The following CNTNAP2 variants were observed in gnomAD, a reference collection of about 807,000 sequenced individuals.
CNTNAP2 encodes the protein contactin associated protein 2.
A neutral mutation model predicts 155.2 loss-of-function variants in CNTNAP2; 98 were observed. The ratio of observed to expected loss-of-function variants is 0.63; its 90% CI spans 0.54 to 0.75. The LOEUF (loss-of-function observed/expected upper bound fraction) is 0.75. CNTNAP2 is among the 30% of genes least tolerant of loss of function. CNTNAP2 has a pLI of 0.00. For missense variants in CNTNAP2, 1,727 were observed against 1,688.1 expected (o/e 1.02, Z -0.40); for synonymous variants, 651 against 631.2 (o/e 1.03, Z -0.47).
At chr7:147,612,401 C>CTTTTT (rs565607932) in intron 12 of CNTNAP2, among the ~76,000 whole-genome samples, 2 of 133,042 alleles carry the variant, frequency 1.5e-5, no homozygotes, top group African/African-American at 5.5e-5. Flanking sequence ...AATTTTCTTT[C>CTTTTT]TTTTTTTTTT....
rs1563082275 is a variant in CNTNAP2 at position 148,418,926 on chromosome 7, T to C, written c.*3310T>C. The C allele has an allele frequency of 6.6e-6, 1 of 152,246 alleles. No homozygotes were observed. Among genetic ancestry groups the C allele is most frequent in the African/African-American group, 2.4e-5 (1 of 41,468 alleles). 9.4% of individuals were successfully genotyped at this position (152,246 alleles called of 1,614,324 possible). A position where few individuals can be genotyped will look rare whatever the true frequency, so the allele number is the denominator to read the frequency against. On this transcript the variant is annotated 3_prime_UTR_variant, in exon 24 of 24. Coordinates refer to ENST00000361727, the MANE Select transcript of CNTNAP2 (RefSeq NM_014141.6). Reference sequence around the variant, plus strand: ...CCAAAGAGTCTGTCTTAATGTTACTTTTGAAAATCTGCTGAGCGGCCACCA... The same window carrying C: ...CCAAAGAGTCTGTCTTAATGTTACTCTTGAAAATCTGCTGAGCGGCCACCA...
intron 8 of CNTNAP2, among the ~76,000 whole-genome samples, chr7:147,166,696 T>A (rs904262804): frequency 6.6e-6 from 1 of 151,726 alleles, no homozygotes; most frequent in African/African-American, 2.4e-5. Context: ...TTTTATAGGA[T>A]TTGGGTAGGT....
At chr7:146,581,984 A>G (rs1263754532) in intron 1 of CNTNAP2, among the ~76,000 whole-genome samples, 1 of 152,178 alleles carries the variant, frequency 6.6e-6, no homozygotes, top group African/African-American at 2.4e-5. Context: ...TAGCTGTAAT[A>G]CAATAATGAC....
intron 13 of CNTNAP2, among the ~76,000 whole-genome samples, chr7:147,829,017 C>T (rs1798505540): frequency 6.6e-6 from 1 of 152,114 alleles, no homozygotes; most frequent in African/African-American, 2.4e-5. Context: ...CTAATTTCAC[C>T]ACCAAAAAAA....
At chr7:147,028,026 T>C (rs956054236) in intron 3 of CNTNAP2, among the ~76,000 whole-genome samples, 5 of 152,168 alleles carry the variant, frequency 3.3e-5, no homozygotes, top group African/African-American at 1.2e-4. Context: ...GCTGGAGATG[T>C]GGATATGGGA....
At chr7:146,303,762 T>C (rs1800656902) in intron 1 of CNTNAP2, among the ~76,000 whole-genome samples, 1 of 152,054 alleles carries the variant, frequency 6.6e-6, no homozygotes, top group Non-Finnish European at 1.5e-5. Context: ...GGGTGAAGAG[T>C]TCTGTAAATG....
chr7:146,690,005 A>G (rs1018907428), intron 1 of CNTNAP2, among the ~76,000 whole-genome samples: 4 of 151,408 alleles, frequency 2.6e-5, no homozygotes, highest in African/African-American at 4.8e-5. Flanking sequence ...ATTTTTTTCA[A>G]ATTTATATAT....
At chr7:147,190,648 T>A (rs2116522345) in intron 8 of CNTNAP2, among the ~76,000 whole-genome samples, 1 of 152,248 alleles carries the variant, frequency 6.6e-6, no homozygotes, top group South Asian at 2.1e-4. Context: ...TCATGGCAAT[T>A]CCTGGAGAAA....
At chr7:147,813,225 T>C (rs1350495633) in intron 13 of CNTNAP2, among the ~76,000 whole-genome samples, 1 of 152,008 alleles carries the variant, frequency 6.6e-6, no homozygotes, top group East Asian at 1.9e-4. Flanking sequence ...ATAAAATAAC[T>C]TTACCAAAAA....
chr7:146,918,278 T>C (rs560999486), intron 3 of CNTNAP2, among the ~76,000 whole-genome samples: 2 of 152,328 alleles, frequency 1.3e-5, no homozygotes, highest in African/African-American at 4.8e-5. Context: ...TTATAGGTCC[T>C]GTGAGATTTA....
rs781096937 is a variant in CNTNAP2 at position 148,229,679 on chromosome 7, C to T, written c.3281C>T (p.Thr1094Ile). 2.5e-6 allele frequency: 4 copies of T among 1,613,988 alleles called. No individual in the cohort carries two copies. Among genetic ancestry groups the T allele is most frequent in the Non-Finnish European group, 2.5e-6 (3 of 1,180,016 alleles). ...SLQIRYNLGGTREPYNIDVDH... is the reference protein window; with the variant it reads ...SLQIRYNLGGIREPYNIDVDH... ...CAGATTCGATACAACCTGGGTGGCA[C>T]CCGAGAGCCATACAATATTGACGTA... The change falls in exon 20 of 24, where the codon ACC becomes ATC. Residue 1094 changes from threonine (T) to isoleucine (I), a missense_variant. Physicochemically the swap from Thr to Ile is moderately conservative, Grantham distance 89. Coordinates refer to ENST00000361727, the MANE Select transcript of CNTNAP2 (RefSeq NM_014141.6).
chr7:147,038,023 C>T (rs897684603), intron 3 of CNTNAP2, among the ~76,000 whole-genome samples: 5 of 152,142 alleles, frequency 3.3e-5, no homozygotes, highest in Non-Finnish European at 7.4e-5. Context: ...AATCTATTGG[C>T]ACACACCTAT....
Position 147,927,330 on chromosome 7 carries a change from G to T in CNTNAP2, c.2255+23609G>T, listed in dbSNP as rs1432426805. Among the ~76,000 whole-genome samples the T allele has an allele frequency of 2.0e-5, 3 of 152,164 alleles. No individual in the cohort carries two copies. In the East Asian group the frequency reaches 5.8e-4, roughly 29 times the overall value. On this transcript the variant is annotated intron_variant, in intron 14 of 23. Coordinates refer to ENST00000361727, the MANE Select transcript of CNTNAP2 (RefSeq NM_014141.6). ...ATATTGAGAAAAACTCTGATGGTCT[G>T]ATTAGATTCATTGAAATACTTTCAG...
intron 18 of CNTNAP2, among the ~76,000 whole-genome samples, chr7:148,181,315 A>G (rs1795034856): frequency 1.3e-5 from 2 of 152,228 alleles, no homozygotes; most frequent in Non-Finnish European, 1.5e-5. Flanking sequence ...CCCTAATACC[A>G]TAACGCATGA....
chr7:147,157,619 CTG>C (rs1035159845), intron 8 of CNTNAP2, among the ~76,000 whole-genome samples: 3 of 151,930 alleles, frequency 2.0e-5, no homozygotes, highest in African/African-American at 7.3e-5. Flanking sequence ...TTATATTTTT[CTG>C]TGTTTCCTTT....
intron 1 of CNTNAP2, among the ~76,000 whole-genome samples, chr7:146,443,477 A>G (rs1188772812): frequency 6.6e-6 from 1 of 152,168 alleles, no homozygotes; most frequent in African/African-American, 2.4e-5. Flanking sequence ...CTCCTGAGAT[A>G]CAGAGTGAGA....
intron 1 of CNTNAP2, among the ~76,000 whole-genome samples, chr7:146,406,377 T>C (rs1001893106): frequency 1.1e-4 from 17 of 152,358 alleles, no homozygotes; most frequent in African/African-American, 4.1e-4. Context: ...ACCAATGATT[T>C]TAAAAGGCAT....
At chr7:146,679,033 G>T (rs1800453377) in intron 1 of CNTNAP2, among the ~76,000 whole-genome samples, 1 of 152,102 alleles carries the variant, frequency 6.6e-6, no homozygotes. Context: ...TTAAGTTCAG[G>T]AGTACAAGTG....
At chr7:146,534,794 T>G (rs1328845537) in intron 1 of CNTNAP2, among the ~76,000 whole-genome samples, 1 of 151,696 alleles carries the variant, frequency 6.6e-6, no homozygotes, top group Admixed American at 6.6e-5. Flanking sequence ...TTGCATGCTT[T>G]ACACTCAGGA....
Sources: allele counts gnomAD v4.1 joint callset (sites outside exome capture counted in the v4.1 genomes callset), GRCh38; gene constraint gnomAD v4.1.1; transcripts MANE v1.5; gene names NCBI Gene and HGNC (gene_info 2026-07-23, HGNC 2026-07-21).